Variants in ITPRID1 observed in about 807,000 individuals in gnomAD.
ITPRID1 encodes protein ITPRID1.
In ITPRID1, 96 loss-of-function variants were observed where a neutral mutation model predicts 95.4. The observed-to-expected ratio is 1.01, with a 90% CI of 0.85 to 1.19. The LOEUF (loss-of-function observed/expected upper bound fraction) is 1.19, where lower values mean the gene tolerates loss of function less well. ITPRID1 is among the 50% of genes most tolerant of loss of function. ITPRID1 has a pLI of 0.00. For synonymous variants in ITPRID1, 510 were observed against 453.6 expected (o/e 1.12, Z -1.58); for missense variants, 1,339 against 1,252.9 (o/e 1.07, Z -1.04).
At chr7:31,523,925 AC>A (rs1783345809) in intron 1 of ITPRID1, among the ~76,000 whole-genome samples, 1 of 152,194 alleles carries the variant, frequency 6.6e-6, no homozygotes. Flanking sequence ...AGGTTTGCTG[AC>A]CTAAATGTTA....
At chr7:31,645,597 TCACCACCACCCAC>T (rs1360352035) in intron 12 of ITPRID1, among the ~76,000 whole-genome samples, 1 of 151,906 alleles carries the variant, frequency 6.6e-6, no homozygotes, top group Non-Finnish European at 1.5e-5. Flanking sequence ...ATAACCATCA[TCACCACCACCCAC>T]CACCACCATC....
At chr7:31,619,022 A>AAT (rs745307629) in intron 10 of ITPRID1, among the ~76,000 whole-genome samples, 6 of 152,156 alleles carry the variant, frequency 3.9e-5, no homozygotes, top group Non-Finnish European at 8.8e-5. Flanking sequence ...TGAGAGAGGA[A>AAT]ATCCCTCTCT....
chr7:31,656,939 G>C (rs1255030420), downstream of ITPRID1, among the ~76,000 whole-genome samples: 4 of 151,336 alleles, frequency 2.6e-5, no homozygotes, highest in African/African-American at 9.7e-5. Flanking sequence ...AACAATGTTT[G>C]CTGATGCTGC....
rs368232809 is a variant in ITPRID1, at chr7:31,553,013, A to G, written c.-12A>G. The G allele has an allele frequency of 1.7e-5, 28 of 1,606,242 alleles. No individual in the cohort carries two copies. Among genetic ancestry groups the G allele is most frequent in the Non-Finnish European group, 2.2e-5 (26 of 1,176,328 alleles). The stretch of plus-strand genomic sequence containing the variant: ...GTGTGTGTTTTAAGTTAGTTTGCAG[A>G]ATTACTCTCCTATGATGGCACAGAA... On this transcript the variant is annotated 5_prime_UTR_variant, in exon 3 of 15. Coordinates refer to ENST00000615280, the MANE Select transcript of ITPRID1 (RefSeq NM_001257967.3).
At chr7:31,639,538 GTTTTTT>G (rs796733772) in intron 10 of ITPRID1, among the ~76,000 whole-genome samples, 1 of 142,516 alleles carries the variant, frequency 7.0e-6, no homozygotes, top group Non-Finnish European at 1.5e-5. Flanking sequence ...GTTTGTTTTT[GTTTTTT>G]TTTTTTTTTT....
chr7:31,544,734 T>C (rs1434324591), intron 1 of ITPRID1, among the ~76,000 whole-genome samples: 1 of 152,194 alleles, frequency 6.6e-6, no homozygotes, highest in African/African-American at 2.4e-5. Context: ...TATATTTAAT[T>C]GAATTAGTAG....
At chr7:31,623,198 C>T (rs1583621310) in intron 10 of ITPRID1, among the ~76,000 whole-genome samples, 1 of 152,138 alleles carries the variant, frequency 6.6e-6, no homozygotes, top group East Asian at 1.9e-4. Flanking sequence ...GGTACCATTC[C>T]TTCTGAAACT....
chr7:31,565,431 A>C (rs1784764513), intron 5 of ITPRID1, among the ~76,000 whole-genome samples: 1 of 152,158 alleles, frequency 6.6e-6, no homozygotes, highest in Admixed American at 6.6e-5. Flanking sequence ...CATTTGAAAC[A>C]AGATCAAGAA....
At position 31,620,580 on chromosome 7, in the gene ITPRID1, A is replaced by G. The variant is rs1384100886; in HGVS notation, c.1229-21596A>G. Among the ~76,000 whole-genome samples, 8 of 151,320 alleles carry G rather than the reference A, an allele frequency of 5.3e-5. No homozygotes were observed. The East Asian group carries it at 9.7e-4, about 18-fold the overall frequency. On this transcript the variant is annotated intron_variant, in intron 10 of 14. Transcript: ENST00000615280. ...TGTTAGAAGGAAAACTAACAAACAG[A>G]AAGGACATCCACACCAAAAACCCAT...
At chr7:31,572,877 G>T (rs1785041005) in intron 7 of ITPRID1, among the ~76,000 whole-genome samples, 1 of 152,178 alleles carries the variant, frequency 6.6e-6, no homozygotes, top group African/African-American at 2.4e-5. Flanking sequence ...TGAGCCATGT[G>T]TACCTAGCAT....
intron 10 of ITPRID1, among the ~76,000 whole-genome samples, chr7:31,614,504 T>TGAGAGACACTTAATAGGTATA (rs1787026796): frequency 6.6e-6 from 1 of 152,172 alleles, no homozygotes; most frequent in Non-Finnish European, 1.5e-5. Flanking sequence ...AAGGCAGATA[T>TGAGAGACACTTAATAGGTATA]GAGAGACACT....
chr7:31,601,981 T>C (rs762760764), intron 10 of ITPRID1, among the ~76,000 whole-genome samples: 1 of 152,132 alleles, frequency 6.6e-6, no homozygotes, highest in Non-Finnish European at 1.5e-5. Context: ...GTGTCTTCTT[T>C]ATATTTCTCC....
At chr7:31,603,398 C>G (rs1021753658) in intron 10 of ITPRID1, among the ~76,000 whole-genome samples, 2 of 151,226 alleles carry the variant, frequency 1.3e-5, no homozygotes, top group African/African-American at 4.8e-5. Context: ...CCTTCCCTCC[C>G]CCTCCCCACC....
Position 31,653,210 on chromosome 7 carries a change from C to T in ITPRID1, c.*381C>T. 1 of 184,220 alleles carries T rather than the reference C, an allele frequency of 5.4e-6. No individual in the cohort carries two copies. The allele number at this position is 184,220 out of a possible 1,614,324, so 11.4% of individuals were successfully genotyped here. A position where few individuals can be genotyped will look rare whatever the true frequency, so the allele number is the denominator to read the frequency against. ...TACACACCCAGAAGACAGGTCTGTG[C>T]CTTTCTCCAAAGATGATTTTGAGGC... On this transcript the variant is annotated 3_prime_UTR_variant, in exon 15 of 15. Transcript: ENST00000615280.
At chr7:31,582,982 C>T (rs77599835) in intron 9 of ITPRID1, among the ~76,000 whole-genome samples, 152 bp from the exon 10 acceptor site, 12,731 of 152,216 alleles carry the variant, frequency 0.084, 650 homozygotes, top group Middle Eastern at 0.13. Flanking sequence ...TCATCATCCC[C>T]GGTACCTCCT....
chr7:31,621,005 C>CAGTG (rs1787823209), intron 10 of ITPRID1, among the ~76,000 whole-genome samples: 2 of 151,652 alleles, frequency 1.3e-5, no homozygotes, highest in Non-Finnish European at 2.9e-5. Flanking sequence ...GAAAGGGTAT[C>CAGTG]AGTGATGGAA....
intron 5 of ITPRID1, among the ~76,000 whole-genome samples, chr7:31,565,929 G>C (rs185264469): frequency 1.3e-5 from 2 of 152,204 alleles, no homozygotes; most frequent in Admixed American, 1.3e-4. Context: ...TTCTAAAACT[G>C]TGTAAGGCTT....
chr7:31,537,047 T>C (rs1783779267), intron 1 of ITPRID1, among the ~76,000 whole-genome samples: 1 of 150,660 alleles, frequency 6.6e-6, no homozygotes, highest in Non-Finnish European at 1.5e-5. Flanking sequence ...CCTCTAGCCA[T>C]AGCCTGCTGT....
At chr7:31,534,430 A>G (rs1783695801) in intron 1 of ITPRID1, among the ~76,000 whole-genome samples, 1 of 152,102 alleles carries the variant, frequency 6.6e-6, no homozygotes, top group Admixed American at 6.5e-5. Context: ...TATTTGCTTC[A>G]TGTCATTGGG....
Sources: allele counts gnomAD v4.1 joint callset (sites outside exome capture counted in the v4.1 genomes callset), GRCh38; gene constraint gnomAD v4.1.1; transcripts MANE v1.5; gene names NCBI Gene and HGNC (gene_info 2026-07-23, HGNC 2026-07-21).